Variants in TG observed in about 807,000 individuals in gnomAD.
The protein encoded by TG is thyroglobulin, also known as thyroid hormones.
TG carries 270 observed loss-of-function variants against 324.7 expected under a neutral mutation model. The observed-to-expected ratio is 0.83, with a 90% CI of 0.75 to 0.92. TG has a LOEUF of 0.92. TG is among the 40% of genes least tolerant of loss of function. TG has a pLI of 0.00. For missense variants in TG, 3,591 were observed against 3,456.4 expected, an observed-to-expected ratio of 1.04 and a Z score of -0.98; for synonymous variants, 1,401 against 1,327.0, an observed-to-expected ratio of 1.06 and a Z score of -1.21.
intron 24 of TG, among the ~76,000 whole-genome samples, 155 bp from the exon 25 acceptor site, chr8:132,935,601 T>C (rs1041593297): frequency 2.0e-5 from 3 of 152,218 alleles, no homozygotes; most frequent in African/African-American, 7.2e-5. Context: ...TGGCTGCAAG[T>C]TACTGCTTAC....
intron 41 of TG, among the ~76,000 whole-genome samples, chr8:133,093,131 T>TTC (rs1448661439): frequency 1.4e-5 from 1 of 71,618 alleles, no homozygotes; most frequent in Non-Finnish European, 3.4e-5. Flanking sequence ...TTTCTTTTCT[T>TTC]TTCTTTTCTT....
Position 132,868,204 on chromosome 8 carries a change from G to T in TG, c.157G>T (p.Ala53Ser), listed in dbSNP as rs1324784516. The T allele has an allele frequency of 6.2e-7, 1 of 1,613,992 alleles. No individual in the cohort carries two copies. Among genetic ancestry groups the T allele is most frequent in the Non-Finnish European group, 8.5e-7 (1 of 1,180,034 alleles). The change falls in exon 2 of 48, where the codon GCA (alanine) becomes TCA (serine). Residue 53 changes from alanine (A) to serine (S), a missense_variant. Transcript: ENST00000220616. ...GCAAGCAGACTACGTGCCCCAGTGT[G>T]CAGAGGATGGCAGCTTCCAGTAAGG... ...LKQADYVPQCAEDGSFQTVQC... is the reference protein window; with the variant it reads ...LKQADYVPQCSEDGSFQTVQC...
At chr8:132,972,118 T>G in intron 33 of TG, 1 of 528,512 alleles carries the variant, frequency 1.9e-6, no homozygotes, top group Non-Finnish European at 3.4e-6. Context: ...ACTCTTGGCT[T>G]GGATATCTTT....
chr8:132,980,642 G>A (rs1417522937), intron 34 of TG, among the ~76,000 whole-genome samples: 1 of 152,122 alleles, frequency 6.6e-6, no homozygotes, highest in Non-Finnish European at 1.5e-5. Context: ...GGAGGCTCAG[G>A]GCTTGTGATT....
intron 6 of TG, 151 bp from the exon 7 acceptor site, chr8:132,882,318 C>G (rs956471353): frequency 1.1e-6 from 1 of 931,690 alleles, no homozygotes; most frequent in Non-Finnish European, 1.8e-6. Context: ...TCCACAGCAG[C>G]TCTGACTTTG....
At position 132,906,757 on chromosome 8, in the gene TG, C is replaced by T. The variant is rs369296999; in HGVS notation, c.3704C>T (p.Ser1235Leu). 14 of 1,614,108 alleles carry T rather than the reference C, an allele frequency of 8.7e-6. No homozygotes were observed. The highest frequency in any genetic ancestry group is 2.2e-5 in the East Asian group (1 of 44,880). ...GGAACAATCCTGTGTGAGACAATCT[C>T]GGGCCCCACAGGCTCTGCCATGCAG... is the stretch of plus-strand genomic sequence containing the variant. ...VGGTILCETI[S>L]GPTGSAMQQC... The change falls in exon 17 of 48, where the codon TCG becomes TTG. Residue 1235 changes from serine to leucine, a missense_variant. Ser to Leu is a moderately radical substitution (Grantham distance 145). Coordinates refer to ENST00000220616, the MANE Select transcript of TG (RefSeq NM_003235.5).
intron 43 of TG, among the ~76,000 whole-genome samples, chr8:133,097,556 A>T (rs1456402477): frequency 1.3e-5 from 2 of 152,232 alleles, no homozygotes; most frequent in Admixed American, 6.5e-5. Flanking sequence ...AATGACAAAA[A>T]ACATGTAGAG....
At chr8:133,115,243 G>A (rs1237665695) in intron 44 of TG, among the ~76,000 whole-genome samples, 5 of 152,128 alleles carry the variant, frequency 3.3e-5, no homozygotes, top group South Asian at 2.1e-4. Flanking sequence ...CTCAGAAGAC[G>A]GACTCCAGCT....
At chr8:132,883,774 G>T (rs1177735177) in intron 8 of TG, among the ~76,000 whole-genome samples, 1 of 152,148 alleles carries the variant, frequency 6.6e-6, no homozygotes, top group Admixed American at 6.5e-5. Flanking sequence ...TAATTAGAAG[G>T]TCATTGCCAT....
chr8:132,999,983 G>A (rs1401428135), intron 35 of TG, among the ~76,000 whole-genome samples: 1 of 152,186 alleles, frequency 6.6e-6, no homozygotes, highest in Non-Finnish European at 1.5e-5. Flanking sequence ...TGAGGGGGTA[G>A]CAACTGTAAC....
chr8:132,978,971 A>G (rs1055194970), intron 34 of TG, among the ~76,000 whole-genome samples: 18 of 152,220 alleles, frequency 1.2e-4, no homozygotes, highest in African/African-American at 3.6e-4. Flanking sequence ...TGCTATGAGC[A>G]GAGTTCAGAA....
At chr8:132,988,658 AG>A in intron 35 of TG, 1 of 961,612 alleles carries the variant, frequency 1.0e-6, no homozygotes, top group Non-Finnish European at 1.2e-6. Context: ...CAAGTGAAAT[AG>A]TAAATATATA....
chr8:132,928,903 A>G (rs141804720), intron 22 of TG, among the ~76,000 whole-genome samples, 173 bp from the exon 23 acceptor site: 71 of 152,310 alleles, frequency 4.7e-4, no homozygotes, highest in African/African-American at 1.7e-3. Context: ...TCAGTTTTAG[A>G]TATGGAGCAG....
At position 132,886,966 on chromosome 8, in the gene TG, A is replaced by G; in HGVS notation, c.1594A>G (p.Thr532Ala). 6.2e-7 allele frequency: 1 copy of G among 1,614,226 alleles called. No individual in the cohort carries two copies. Among genetic ancestry groups the G allele is most frequent in the Non-Finnish European group, 8.5e-7 (1 of 1,180,044 alleles). Residue 532 changes from threonine to alanine, a missense_variant, in exon 9 of 48, where the codon ACA (threonine) becomes GCA (alanine). Transcript: ENST00000220616. ...TGTGGGATTAGATTCAAATTCTTCC[A>G]CAGGAACCCCTGAAGCTGCTAAGAA... ...LSVGLDSNSS[T>A]GTPEAAKKDG...
intron 41 of TG, chr8:133,045,252 TC>T: frequency 1.3e-6 from 1 of 783,800 alleles, no homozygotes; most frequent in Non-Finnish European, 2.1e-6. Context: ...ATGCAGCCCC[TC>T]CCTCCACTAG....
chr8:132,949,298 A>G (rs1825779917), intron 27 of TG, among the ~76,000 whole-genome samples: 1 of 152,162 alleles, frequency 6.6e-6, no homozygotes, highest in Non-Finnish European at 1.5e-5. Context: ...CCTCTGGAGG[A>G]ACGTACTCTT....
chr8:132,971,030 T>C (rs1365138148), intron 32 of TG, among the ~76,000 whole-genome samples: 1 of 152,046 alleles, frequency 6.6e-6, no homozygotes, highest in African/African-American at 2.4e-5. Flanking sequence ...AAGAAGGGGC[T>C]AAGTGTTTGA....
Position 133,021,992 on chromosome 8 carries a change from C to A in TG, c.6878C>A (p.Ala2293Asp). 1 of 1,614,174 alleles carries A rather than the reference C, an allele frequency of 6.2e-7. No homozygotes were observed. The highest frequency in any genetic ancestry group is 8.5e-7 in the Non-Finnish European group (1 of 1,180,034). ...YLNVFIPQNV[A>D]PNASVLVFFH... ...CTCATGTTTCTCCAATACCCACAGG[C>A]CCCTAACGCGTCTGTGCTGGTGTTC... Residue 2293 changes from alanine (A) to aspartate (D), a missense_variant and splice_region_variant, in exon 40 of 48, where the codon GCC becomes GAC. Coordinates refer to ENST00000220616, the MANE Select transcript of TG (RefSeq NM_003235.5).
chr8:133,057,383 T>C (rs894799972), intron 41 of TG, among the ~76,000 whole-genome samples: 3 of 152,222 alleles, frequency 2.0e-5, no homozygotes, highest in Non-Finnish European at 4.4e-5. Context: ...ATGAACACTT[T>C]GGGATGATTT....
Sources: allele counts gnomAD v4.1 joint callset (sites outside exome capture counted in the v4.1 genomes callset), GRCh38; gene constraint gnomAD v4.1.1; transcripts MANE v1.5; gene names NCBI Gene and HGNC (gene_info 2026-07-23, HGNC 2026-07-21).